The following ANK2 variants were observed in gnomAD, a reference collection of about 807,000 sequenced individuals.
The protein encoded by ANK2 is ankyrin-2.
ANK2 carries 83 observed loss-of-function variants against 360.5 expected under a neutral mutation model. The observed-to-expected ratio is 0.23, with a 90% confidence interval of 0.19 to 0.28. The LOEUF is 0.28. ANK2 is among the 10% of genes least tolerant of loss of function. The pLI is 1.00. For synonymous variants in ANK2, 1,740 were observed against 1,759.5 expected (o/e 0.99, Z 0.28); for missense variants, 4,201 against 4,795.7 (o/e 0.88, Z 3.66).
At chr4:112,965,254 G>A (rs2036758287) in intron 2 of ANK2, among the ~76,000 whole-genome samples, 1 of 152,122 alleles carries the variant, frequency 6.6e-6, no homozygotes, top group Non-Finnish European at 1.5e-5. Flanking sequence ...GATGATCAAT[G>A]ATGTTGCACA....
chr4:113,341,603 A>C, intron 32 of ANK2, 85 bp from the exon 33 acceptor site: 1 of 1,386,980 alleles, frequency 7.2e-7, no homozygotes, highest in Non-Finnish European at 1.0e-6. Context: ...TTTGTTGACT[A>C]CTTTGATCAT....
At chr4:113,021,624 CTG>C (rs1489123206) in intron 2 of ANK2, among the ~76,000 whole-genome samples, 2 of 147,198 alleles carry the variant, frequency 1.4e-5, no homozygotes, top group African/African-American at 5.0e-5. Flanking sequence ...AGCCCCGACA[CTG>C]TCTTTATAAG....
chr4:112,907,196 A>G lies in ANK2; in HGVS notation c.21+2682A>G, dbSNP rs889672931. The stretch of plus-strand genomic sequence containing the variant: ...ACAGTAGAGTTAGACTGAAAGTGTT[A>G]AACAGGCCCTGAAGATGAAAGACTT... On this transcript the variant is annotated intron_variant, in intron 2 of 30. Coordinates refer to the ANK2 transcript ENST00000503271. Among the ~76,000 whole-genome samples the G allele has an allele frequency of 4.6e-5, 7 of 152,312 alleles. No individual in the cohort carries two copies. The South Asian group carries it at 1.2e-3, about 27-fold the overall frequency.
chr4:113,339,411 A>G, intron 32 of ANK2, 89 bp downstream of exon 32: 1 of 1,080,314 alleles, frequency 9.3e-7, no homozygotes, highest in Non-Finnish European at 1.4e-6. Flanking sequence ...TTTATTGTTT[A>G]AAAGTTATTT....
intron 45 of ANK2, chr4:113,374,685 GT>G (rs1342430384): frequency 4.3e-6 from 4 of 936,380 alleles, no homozygotes; most frequent in Non-Finnish European, 3.9e-6. Flanking sequence ...TTTGTCCTTT[GT>G]TTTTTAACAT....
At chr4:113,188,879 T>C (rs1485704104) in intron 2 of ANK2, among the ~76,000 whole-genome samples, 1 of 152,182 alleles carries the variant, frequency 6.6e-6, no homozygotes, top group Non-Finnish European at 1.5e-5. Context: ...TGACTTGCAT[T>C]TGCTGACAAA....
chr4:113,002,754 C>T (rs112347873), intron 2 of ANK2, among the ~76,000 whole-genome samples: 4 of 152,194 alleles, frequency 2.6e-5, no homozygotes, highest in African/African-American at 7.2e-5. Context: ...AAAGTCCAAA[C>T]ACCTTGACAG....
intron 21 of ANK2, chr4:113,292,965 A>G (rs937077267): frequency 1.1e-5 from 4 of 352,742 alleles, no homozygotes; most frequent in South Asian, 2.3e-5. Flanking sequence ...TGCAGCCCGA[A>G]TTGCTTGCCT....
chr4:112,983,336 C>G (rs1350626165), intron 2 of ANK2, among the ~76,000 whole-genome samples: 1 of 150,834 alleles, frequency 6.6e-6, no homozygotes, highest in Non-Finnish European at 1.5e-5. Context: ...TTCATTAAAT[C>G]TCTGTTTATC....
At chr4:112,728,737 CA>C in the ANK2 span, among the ~76,000 whole-genome samples, 2 of 151,642 alleles carry the variant, frequency 1.3e-5, no homozygotes, top group African/African-American at 4.8e-5. Flanking sequence ...AAAGTGTCTC[CA>C]AAAAATAAAT....
chr4:112,719,395 A>G, the ANK2 span, among the ~76,000 whole-genome samples: 3 of 152,288 alleles, frequency 2.0e-5, no homozygotes, highest in South Asian at 6.2e-4. Flanking sequence ...TACAGTGGAA[A>G]AACCAACTAA....
chr4:112,978,636 T>C (rs538835993), intron 2 of ANK2, among the ~76,000 whole-genome samples: 2 of 152,348 alleles, frequency 1.3e-5, no homozygotes, highest in South Asian at 4.1e-4. Flanking sequence ...TTATCGACCT[T>C]GTGGCATGTA....
intron 14 of ANK2, among the ~76,000 whole-genome samples, chr4:113,271,595 A>G (rs978568768): frequency 2.0e-5 from 3 of 152,208 alleles, no homozygotes; most frequent in African/African-American, 7.2e-5. Flanking sequence ...CCAAGCTACT[A>G]CATTGAGCTC....
chr4:113,280,628 C>T (rs2061928047), intron 17 of ANK2, among the ~76,000 whole-genome samples: 1 of 152,208 alleles, frequency 6.6e-6, no homozygotes, highest in African/African-American at 2.4e-5. Context: ...GAGAACTTTG[C>T]TTCTTTCCAC....
intron 2 of ANK2, among the ~76,000 whole-genome samples, chr4:113,005,706 G>A (rs771963733): frequency 2.6e-5 from 4 of 152,222 alleles, no homozygotes; most frequent in Admixed American, 6.5e-5. Flanking sequence ...AATGTATGCC[G>A]CCTCCAAATC....
chr4:112,732,947 G>A, the ANK2 span, among the ~76,000 whole-genome samples: 1 of 151,992 alleles, frequency 6.6e-6, no homozygotes, highest in South Asian at 2.1e-4. Context: ...GGCCAGGCAC[G>A]GTGGCTCACG....
Position 112,829,491 on chromosome 4 carries a change from C to CAAAAAAAAAAA in ANK2, c.-40+11236_-40+11246dup, listed in dbSNP as rs60272903. On this transcript the variant is annotated intron_variant, in intron 1 of 30. Coordinates refer to the ANK2 transcript ENST00000503271. ...GCAACATAGTATGAGCCCATCTCTA[C>CAAAAAAAAAAA]AAAAAAAAAAAAAAAAAAAGGAAGG... Among the ~76,000 whole-genome samples, 75 of 60,710 alleles carry CAAAAAAAAAAA rather than the reference C, an allele frequency of 1.2e-3. 6 individuals are homozygous for CAAAAAAAAAAA. Among genetic ancestry groups the CAAAAAAAAAAA allele is most frequent in the African/African-American group, 5.3e-3 (65 of 12,354 alleles). 39.8% of individuals were successfully genotyped at this position (60,710 alleles called of 152,430 possible). A position where few individuals can be genotyped will look rare whatever the true frequency, so the allele number is the denominator to read the frequency against.
At chr4:112,950,113 T>G (rs1379285168) in intron 2 of ANK2, among the ~76,000 whole-genome samples, 2 of 152,158 alleles carry the variant, frequency 1.3e-5, no homozygotes, top group Admixed American at 6.5e-5. Context: ...GTCTTCAGTC[T>G]AATGTCCCTC....
At chr4:113,178,596 A>G (rs1047482888) in intron 2 of ANK2, among the ~76,000 whole-genome samples, 4 of 151,646 alleles carry the variant, frequency 2.6e-5, no homozygotes, top group African/African-American at 9.7e-5. Flanking sequence ...AAAATTCCCC[A>G]AAGTAAATGC....
Sources: gnomAD v4.1 joint callset for allele counts (sites outside exome capture counted in the v4.1 genomes callset) on GRCh38, gnomAD v4.1.1 for gene constraint, MANE v1.5 for transcripts, NCBI Gene and HGNC (gene_info 2026-07-23, HGNC 2026-07-21) for gene names.